RETREG1: variants seen among roughly 807,000 people sequenced by gnomAD.
The protein encoded by RETREG1 is family with sequence similarity 134 member B.
In RETREG1, 44 loss-of-function variants were observed where a neutral mutation model predicts 54.8. The observed-to-expected ratio is 0.80, with a 90% confidence interval of 0.63 to 1.03. RETREG1 has a LOEUF of 1.03. RETREG1 is among the 50% of genes least tolerant of loss of function. The probability of loss-of-function intolerance (pLI) is 0.00; values close to 1 mark genes in which losing one functional copy is unlikely to be tolerated. For missense variants in RETREG1, 554 were observed against 605.1 expected (o/e 0.92, Z 0.89); for synonymous variants, 217 against 238.5 (o/e 0.91, Z 0.83).
At chr5:16,603,859 C>G (rs1179445388) in intron 1 of RETREG1, among the ~76,000 whole-genome samples, 1 of 142,710 alleles carries the variant, frequency 7.0e-6, no homozygotes, top group Admixed American at 6.9e-5. Context: ...CACCCACCCC[C>G]CACCCGCCAC....
At chr5:16,527,407 G>A (rs437407) in intron 3 of RETREG1, among the ~76,000 whole-genome samples, 18,162 of 152,188 alleles carry the variant, frequency 0.12, 1,232 homozygotes, top group African/African-American at 0.16. Flanking sequence ...TTATCTCTCA[G>A]AAACAGGATG....
rs1348356734 is a variant in RETREG1, at chr5:16,473,372, T to G, written c.*1369A>C. 1.2e-4 allele frequency: 19 copies of G among 152,444 alleles called. No homozygotes were observed. The highest frequency in any genetic ancestry group is 1.2e-3 in the Admixed American group (19 of 15,264). 9.4% of individuals were successfully genotyped at this position (152,444 alleles called of 1,614,324 possible). ...CTCAGAAAGAAAAAATAAATAAGAG[T>G]AGCTACATTAAAATGTCAGATTACT... On this transcript the variant is annotated 3_prime_UTR_variant, in exon 9 of 9. Coordinates refer to ENST00000306320, the MANE Select transcript of RETREG1 (RefSeq NM_001034850.3).
At chr5:16,534,660 C>T (rs1044166229) in intron 3 of RETREG1, among the ~76,000 whole-genome samples, 3 of 152,222 alleles carry the variant, frequency 2.0e-5, no homozygotes, top group Non-Finnish European at 2.9e-5. Flanking sequence ...AGCCAGCTGC[C>T]ATGTTCCTTT....
chr5:16,565,172 G>A (rs1196270179), intron 3 of RETREG1, among the ~76,000 whole-genome samples: 2 of 151,992 alleles, frequency 1.3e-5, no homozygotes, highest in Non-Finnish European at 2.9e-5. Flanking sequence ...CCCTTTCCTT[G>A]TCCATTTGGA....
At position 16,562,176 on chromosome 5, in the gene RETREG1, G is replaced by C. The variant is rs376649671; in HGVS notation, c.458+3587C>G. On this transcript the variant is annotated intron_variant, in intron 3 of 8. Coordinates refer to ENST00000306320, the MANE Select transcript of RETREG1 (RefSeq NM_001034850.3). ...AGTAAAAATACAAAATTAGCCAGGC[G>C]TGGTGGCACATGCTTATAATCCCAG... Among the ~76,000 whole-genome samples the C allele has an allele frequency of 5.0e-4, 76 of 152,232 alleles. 2 individuals carry two copies. In the South Asian group the frequency reaches 0.015, roughly 30 times the overall value.
chr5:16,479,045 T>A, intron 5 of RETREG1, 58 bp from the exon 6 acceptor site: 4 of 1,515,956 alleles, frequency 2.6e-6, no homozygotes, highest in Non-Finnish European at 3.6e-6. Flanking sequence ...GCTACGTACA[T>A]TTCAGTATTT....
At chr5:16,504,156 T>C (rs1739847107) in intron 3 of RETREG1, among the ~76,000 whole-genome samples, 1 of 152,208 alleles carries the variant, frequency 6.6e-6, no homozygotes, top group Non-Finnish European at 1.5e-5. Flanking sequence ...CATGCAGCGT[T>C]TGGTTTTCTG....
At chr5:16,502,946 A>G (rs334467) in intron 3 of RETREG1, among the ~76,000 whole-genome samples, 72,480 of 152,098 alleles carry the variant, frequency 0.48, 17,997 homozygotes, top group Middle Eastern at 0.58. Context: ...AGCCCACACA[A>G]TTAGGCTTTT....
intron 3 of RETREG1, among the ~76,000 whole-genome samples, chr5:16,554,844 A>G (rs1741661787): frequency 6.6e-6 from 1 of 152,172 alleles, no homozygotes; most frequent in South Asian, 2.1e-4. Flanking sequence ...GGTATAACAC[A>G]ATGGTCACCC....
chr5:16,590,304 G>A (rs1393792291), intron 1 of RETREG1, among the ~76,000 whole-genome samples: 1 of 152,104 alleles, frequency 6.6e-6, no homozygotes, highest in African/African-American at 2.4e-5. Context: ...CGACAGCAGC[G>A]CCTGCGGTAA....
intron 3 of RETREG1, among the ~76,000 whole-genome samples, chr5:16,520,490 C>T (rs904957065): frequency 2.6e-4 from 40 of 152,130 alleles, no homozygotes; most frequent in Admixed American, 1.1e-3. Flanking sequence ...TCACCACACT[C>T]GGCTAATTTT....
chr5:16,505,655 G>A (rs1281939302), intron 3 of RETREG1, among the ~76,000 whole-genome samples: 2 of 152,172 alleles, frequency 1.3e-5, no homozygotes, highest in African/African-American at 4.8e-5. Context: ...AGCTGGAACA[G>A]GGACCGTCCC....
In RETREG1 at chr5:16,557,666, GC is replaced by G. The variant is rs144142102; in HGVS notation, c.458+8096del. On this transcript the variant is annotated intron_variant, in intron 3 of 8. Transcript: ENST00000306320. The stretch of plus-strand genomic sequence containing the variant: ...TTATTTTTGAAAAAGGGAATAAAAG[GC>G]CCATTTGGGTTTTGATTTTGGCAGG... 3.4e-3 allele frequency among the ~76,000 whole-genome samples: 511 copies of G among 152,264 alleles called. 23 individuals are homozygous for G. In the East Asian group the frequency reaches 0.088, roughly 26 times the overall value.
At chr5:16,541,780 G>GGAAGGAAA in intron 3 of RETREG1, among the ~76,000 whole-genome samples, 1 of 147,952 alleles carries the variant, frequency 6.8e-6, no homozygotes, top group East Asian at 2.0e-4. Context: ...AAGGAAGGAA[G>GGAAGGAAA]GAAGGAAGGA....
chr5:16,482,538 A>T (rs1188988356), intron 4 of RETREG1, among the ~76,000 whole-genome samples: 1 of 152,046 alleles, frequency 6.6e-6, no homozygotes, highest in Non-Finnish European at 1.5e-5. Context: ...CTCCAAGCAT[A>T]GTTCTATTAT....
At chr5:16,501,252 T>C (rs1199409821) in intron 3 of RETREG1, among the ~76,000 whole-genome samples, 1 of 152,140 alleles carries the variant, frequency 6.6e-6, no homozygotes, top group African/African-American at 2.4e-5. Flanking sequence ...CAAAATGAAA[T>C]TCAGAGAGAT....
chr5:16,590,888 CACACACACATGCACAAACACAAAAAA>C, intron 1 of RETREG1, among the ~76,000 whole-genome samples: 1 of 146,450 alleles, frequency 6.8e-6, no homozygotes, highest in South Asian at 2.2e-4. Context: ...CACACACACG[CACACACACATGCACAAACACAAAAAA>C]ACACACACAT....
rs149327613 is a variant in RETREG1 at position 16,503,578 on chromosome 5, G to A, written c.459-20106C>T. Among the ~76,000 whole-genome samples the A allele has an allele frequency of 3.6e-3, 538 of 148,434 alleles. 4 individuals carry two copies. The highest frequency in any genetic ancestry group is 0.013 in the African/African-American group (522 of 40,256). On this transcript the variant is annotated intron_variant, in intron 3 of 8. Coordinates refer to ENST00000306320, the MANE Select transcript of RETREG1 (RefSeq NM_001034850.3). ...CAGCTACTCAGGAGGCTGAGGCAGAGAACTGCTTGAACCCGGGAGGCAGAG... is the reference window on the plus strand; with the variant it reads ...CAGCTACTCAGGAGGCTGAGGCAGAAAACTGCTTGAACCCGGGAGGCAGAG...
chr5:16,551,487 C>G (rs1410151830), intron 3 of RETREG1, among the ~76,000 whole-genome samples: 2 of 152,120 alleles, frequency 1.3e-5, no homozygotes, highest in African/African-American at 4.8e-5. Context: ...CATTTTTCAT[C>G]AAACCTTCTT....
Sources: allele counts gnomAD v4.1 joint callset (sites outside exome capture counted in the v4.1 genomes callset), GRCh38; gene constraint gnomAD v4.1.1; transcripts MANE v1.5; gene names NCBI Gene and HGNC (gene_info 2026-07-23, HGNC 2026-07-21).